SYNE1: variants seen among roughly 807,000 people sequenced by gnomAD.
SYNE1 encodes nesprin-1.
In SYNE1, 616 loss-of-function variants were observed where a neutral mutation model predicts 1,111.0. The observed-to-expected ratio is 0.55, with a 90% confidence interval of 0.52 to 0.59. SYNE1 has a LOEUF of 0.59. SYNE1 is among the 20% of genes least tolerant of loss of function. The pLI, the probability that SYNE1 is intolerant of heterozygous loss-of-function variation, is 0.00. For synonymous variants in SYNE1, 3,855 were observed against 3,825.8 expected, an observed-to-expected ratio of 1.01 and a Z score of -0.28; for missense variants, 10,006 against 10,417.0, an observed-to-expected ratio of 0.96 and a Z score of 1.72.
chr6:152,611,490 C>T (rs896587046), intron 3 of SYNE1, among the ~76,000 whole-genome samples: 1 of 152,170 alleles, frequency 6.6e-6, no homozygotes, highest in African/African-American at 2.4e-5. Context: ...CACCCAGATT[C>T]ATAAAGCAAG....
rs577709283 is a variant in SYNE1, at chr6:152,213,877, T to C, written c.22347-118A>G. On this transcript the variant is annotated intron_variant, in intron 122 of 145. Transcript: ENST00000367255. ...AATTCTAATTGAACCACCACAAAGC[T>C]TTCATGTCAGGTGGTAAAATTATTT... 416 of 1,432,506 alleles carry C rather than the reference T, an allele frequency of 2.9e-4. 3 individuals carry two copies. The South Asian group carries it at 4.9e-3, about 17-fold the overall frequency. The allele number at this position is 1,432,506 out of a possible 1,614,324, so 88.7% of individuals were successfully genotyped here. A position where few individuals can be genotyped will look rare whatever the true frequency, so the allele number is the denominator to read the frequency against.
intron 127 of SYNE1, among the ~76,000 whole-genome samples, chr6:152,199,934 C>A (rs144477490): frequency 1.3e-5 from 2 of 152,174 alleles, no homozygotes; most frequent in African/African-American, 4.8e-5. Context: ...AAAAATGACG[C>A]CCCATGGCAA....
At chr6:152,605,096 G>A (rs1410389752) in intron 3 of SYNE1, among the ~76,000 whole-genome samples, 11 of 133,638 alleles carry the variant, frequency 8.2e-5, no homozygotes, top group African/African-American at 2.5e-4. Context: ...AAGGAAGGAA[G>A]GAAGGAAGGA....
intron 145 of SYNE1, among the ~76,000 whole-genome samples, chr6:152,123,643 T>C (rs557070402): frequency 3.9e-5 from 6 of 152,178 alleles, no homozygotes; most frequent in Non-Finnish European, 5.9e-5. Context: ...GAAAGAAATG[T>C]TGTTTACGAC....
In SYNE1 at chr6:152,538,667, T is replaced by C. The variant is rs185063175; in HGVS notation, c.129+1293A>G. Among the ~76,000 whole-genome samples, 51 of 150,370 alleles carry C rather than the reference T, an allele frequency of 3.4e-4. No homozygotes were observed. The East Asian group carries it at 9.5e-3, about 28-fold the overall frequency. Reference sequence around the variant, plus strand: ...AAACCTTTTCCCCAATCGATGACAATTCCATAGTACAAATAGCTGCCAGAT... The same window carrying C: ...AAACCTTTTCCCCAATCGATGACAACTCCATAGTACAAATAGCTGCCAGAT... On this transcript the variant is annotated intron_variant, in intron 4 of 145. Coordinates refer to ENST00000367255, the MANE Select transcript of SYNE1 (RefSeq NM_182961.4).
Position 152,326,623 on chromosome 6 carries a change from G to C in SYNE1, c.14966C>G (p.Thr4989Ser), listed in dbSNP as rs1421168294. Residue 4989 changes from threonine to serine, a missense_variant, in exon 79 of 146, where the codon ACT becomes AGT. Physicochemically the swap from Thr to Ser is moderately conservative, Grantham distance 58. Around this residue, in one of 7 missense-constraint regions of SYNE1, gnomAD observed 4,955 missense variants for 5,017.2 expected, o/e 0.99. Transcript: ENST00000367255. ...CCTTTGACACTGGCTATATATTTCA[G>C]TCAAGGTAGCCTGAAAAACAGCAAT... ...EALRTRQATL[T>S]EIYSQCQRYY... 5 of 1,613,506 alleles carry C rather than the reference G, an allele frequency of 3.1e-6. No individual in the cohort carries two copies. In the South Asian group the frequency reaches 5.5e-5, roughly 18 times the overall value.
In SYNE1 at chr6:152,574,177, C is replaced by CAT. The variant is rs530222100; in HGVS notation, c.68-34158_68-34157dup. 3.4e-3 allele frequency among the ~76,000 whole-genome samples: 472 copies of CAT among 139,548 alleles called. 4 individuals carry two copies. Among genetic ancestry groups the CAT allele is most frequent in the African/African-American group, 9.7e-3 (349 of 36,112 alleles). 91.5% of individuals were successfully genotyped at this position (139,548 alleles called of 152,430 possible). A position where few individuals can be genotyped will look rare whatever the true frequency, so the allele number is the denominator to read the frequency against. On this transcript the variant is annotated intron_variant, in intron 3 of 145. Coordinates refer to ENST00000367255, the MANE Select transcript of SYNE1 (RefSeq NM_182961.4). ...ACATATATATGTATATATATACACA[C>CAT]ATATATATATACACATAAATATATA...
intron 16 of SYNE1, among the ~76,000 whole-genome samples, chr6:152,470,869 G>A (rs921896155): frequency 3.9e-5 from 6 of 152,166 alleles, no homozygotes; most frequent in Admixed American, 2.0e-4. Flanking sequence ...TTAATTTGTA[G>A]GATGGCCATG....
intron 80 of SYNE1, among the ~76,000 whole-genome samples, chr6:152,325,739 G>A (rs112820084): frequency 4.6e-5 from 7 of 152,156 alleles, no homozygotes; most frequent in African/African-American, 7.2e-5. Context: ...ACATCTTATC[G>A]GAAGCAAATT....
chr6:152,522,424 T>C (rs2099144107), intron 5 of SYNE1, among the ~76,000 whole-genome samples: 1 of 152,116 alleles, frequency 6.6e-6, no homozygotes, highest in South Asian at 2.1e-4. Flanking sequence ...ATTCCATGGT[T>C]GTATATATAT....
chr6:152,151,704 G>A lies in SYNE1; in HGVS notation c.24313-14C>T. The A allele has an allele frequency of 6.2e-7, 1 of 1,612,978 alleles. No homozygotes were observed. The highest frequency in any genetic ancestry group is 8.5e-7 in the Non-Finnish European group (1 of 1,179,426). Reference sequence around the variant, plus strand: ...GCCAATAAAATGCTGGAAGGCAAGAGGAAAGTAGTAACAATTATTTTTATT... The same window carrying A: ...GCCAATAAAATGCTGGAAGGCAAGAAGAAAGTAGTAACAATTATTTTTATT... On this transcript the variant is annotated splice_polypyrimidine_tract_variant and intron_variant, in intron 134 of 145. Transcript: ENST00000367255.
intron 78 of SYNE1, 117 bp downstream of exon 78, chr6:152,329,613 G>T: frequency 2.3e-6 from 3 of 1,278,460 alleles, no homozygotes; most frequent in East Asian, 4.7e-5. Context: ...ATGCTTCTGT[G>T]TAGTATTTCG....
intron 63 of SYNE1, among the ~76,000 whole-genome samples, chr6:152,364,579 T>C (rs1472758726): frequency 6.6e-6 from 1 of 151,762 alleles, no homozygotes; most frequent in Non-Finnish European, 1.5e-5. Context: ...CAGTTTCTTT[T>C]GTTCTAATAA....
At chr6:152,419,348 A>C (rs899706719) in intron 40 of SYNE1, among the ~76,000 whole-genome samples, 1 of 152,200 alleles carries the variant, frequency 6.6e-6, no homozygotes. Flanking sequence ...AAGTGTCTTA[A>C]GATGGTTGCC....
chr6:152,385,882 GAACATGAACTCAGGTAAGAC>G, intron 54 of SYNE1, 44 bp from the exon 55 acceptor site: 1 of 1,599,440 alleles, frequency 6.3e-7, no homozygotes, highest in South Asian at 1.1e-5. Context: ...GTCCTTTTGA[GAACATGAACTCAGGTAAGAC>G]AACAGGCCTG....
In SYNE1 at chr6:152,354,875, C is replaced by CCGG. The variant is rs1297693890; in HGVS notation, c.10707_10709dup (p.Arg3570dup). The CCGG allele has an allele frequency of 6.2e-7, 1 of 1,614,166 alleles. No individual in the cohort carries two copies. The highest frequency in any genetic ancestry group is 8.5e-7 in the Non-Finnish European group (1 of 1,180,032). Reference sequence around the variant, plus strand: ...AGTCTTGCCGGAGAGACTCTAAAGCCCGGTCCTCTGCCTGTGGGATACCTG... The same window carrying CCGG: ...AGTCTTGCCGGAGAGACTCTAAAGCCCGGCGGTCCTCTGCCTGTGGGATACCTG... On this transcript the variant is annotated inframe_insertion, in exon 67 of 146. Transcript: ENST00000367255.
At position 152,416,456 on chromosome 6, in the gene SYNE1, A is replaced by G. The variant is rs948151286; in HGVS notation, c.5981T>C (p.Ile1994Thr). 1.2e-6 allele frequency: 2 copies of G among 1,614,064 alleles called. No homozygotes were observed. Among genetic ancestry groups the G allele is most frequent in the Non-Finnish European group, 1.7e-6 (2 of 1,180,014 alleles). Residue 1994 changes from isoleucine to threonine, a missense_variant, in exon 41 of 146, where the codon ATT becomes ACT. Coordinates refer to ENST00000367255, the MANE Select transcript of SYNE1 (RefSeq NM_182961.4). ...QDQKEELLKS[I>T]EDIEERTDKE... Reference sequence around the variant, plus strand: ...GTCAGTCCTTTCTTCAATGTCCTCAATGCTTTTCAGAAGCTCCTCTTTCTG... The same window carrying G: ...GTCAGTCCTTTCTTCAATGTCCTCAGTGCTTTTCAGAAGCTCCTCTTTCTG...
At chr6:152,325,866 T>C in intron 80 of SYNE1, 92 bp downstream of exon 80, 1 of 1,489,870 alleles carries the variant, frequency 6.7e-7, no homozygotes, top group Non-Finnish European at 9.3e-7. Flanking sequence ...TTGAAAAAAG[T>C]CCAGGTAGAA....
At position 152,369,617 on chromosome 6, in the gene SYNE1, G is replaced by A; in HGVS notation, c.9508-3C>T. On this transcript the variant is annotated splice_region_variant and splice_polypyrimidine_tract_variant and intron_variant, in intron 59 of 145. Transcript: ENST00000367255. Reference sequence around the variant, plus strand: ...TCCTTCATTTGGATCTTTAGATTCTGCAAGGTTTTAGATAGTGTCCAGGAC... The same window carrying A: ...TCCTTCATTTGGATCTTTAGATTCTACAAGGTTTTAGATAGTGTCCAGGAC... The A allele has an allele frequency of 6.2e-7, 1 of 1,614,136 alleles. No individual in the cohort carries two copies. Among genetic ancestry groups the A allele is most frequent in the Non-Finnish European group, 8.5e-7 (1 of 1,180,016 alleles).
Sources: allele counts gnomAD v4.1 joint callset (sites outside exome capture counted in the v4.1 genomes callset), GRCh38; gene constraint gnomAD v4.1.1; regional missense constraint gnomAD v4.1.1; transcripts MANE v1.5; gene names NCBI Gene and HGNC (gene_info 2026-07-23, HGNC 2026-07-21).